Variants in ALDH1L2 observed in about 807,000 individuals in gnomAD.
ALDH1L2 encodes mitochondrial 10-formyltetrahydrofolate dehydrogenase.
In ALDH1L2, 91 loss-of-function variants were observed where a neutral mutation model predicts 111.0. The observed-to-expected ratio is 0.82, with a 90% CI of 0.69 to 0.98. ALDH1L2 has a LOEUF of 0.98. Among genes scored for constraint, ALDH1L2 ranks in the 50% least tolerant of loss-of-function variants. The pLI is 0.00. For missense variants in ALDH1L2, 995 were observed against 1,126.8 expected, an observed-to-expected ratio of 0.88 and a Z score of 1.67; for synonymous variants, 374 against 392.6, an observed-to-expected ratio of 0.95 and a Z score of 0.56.
At chr12:105,050,302 A>T in intron 12 of ALDH1L2, 1 of 283,452 alleles carries the variant, frequency 3.5e-6, no homozygotes, top group Non-Finnish European at 6.5e-6. Context: ...TGCCTCATCT[A>T]TGTGTAAGAA....
At chr12:105,030,549 G>A (rs1874644031) in intron 20 of ALDH1L2, 120 bp from the exon 21 acceptor site, 4 of 695,726 alleles carry the variant, frequency 5.7e-6, no homozygotes, top group Non-Finnish European at 6.5e-6. Context: ...AAACCAAGAA[G>A]AGTTGCATTT....
chr12:105,052,325 A>T, intron 11 of ALDH1L2, 108 bp from the exon 12 acceptor site: 9 of 1,171,772 alleles, frequency 7.7e-6, no homozygotes, highest in Non-Finnish European at 1.0e-5. Context: ...TTTTAAAAAA[A>T]GTTATGATAA....
intron 1 of ALDH1L2, among the ~76,000 whole-genome samples, chr12:105,077,909 A>C (rs1371593185): frequency 1.3e-5 from 2 of 152,184 alleles, no homozygotes; most frequent in Non-Finnish European, 2.9e-5. Flanking sequence ...AGTTTCACAC[A>C]GAGGACCTTC....
Position 105,061,050 on chromosome 12 carries a change from C to T in ALDH1L2, c.1070G>A (p.Ser357Asn), listed in dbSNP as rs759523910. The T allele has an allele frequency of 1.2e-6, 2 of 1,613,688 alleles. No homozygotes were observed. Among genetic ancestry groups the T allele is most frequent in the African/African-American group, 2.7e-5 (2 of 74,856 alleles). ...TIKVIWAGIL[S>N]NVPIIEDSTD... ...TGAGTCTTCAATAATGGGGACATTGCTTAAAATTCCAGCCCAGATGACCTA... is the reference window on the plus strand; with the variant it reads ...TGAGTCTTCAATAATGGGGACATTGTTTAAAATTCCAGCCCAGATGACCTA... Residue 357 changes from serine to asparagine, a missense_variant, in exon 9 of 23, where the codon AGC becomes AAC. Physicochemically the swap from Ser to Asn is conservative, Grantham distance 46 (BLOSUM62 1). Transcript: ENST00000258494.
In ALDH1L2 at chr12:105,066,677, C is replaced by G. The variant is rs754243707; in HGVS notation, c.595-8G>C. 1 of 1,611,024 alleles carries G rather than the reference C, an allele frequency of 6.2e-7. No individual in the cohort carries two copies. The highest frequency in any genetic ancestry group is 8.5e-7 in the Non-Finnish European group (1 of 1,177,318). ...GAGTTGGACAGCTTCTACCTAAGGC[C>G]AAAGACATCACCTGTGTTACAGCCC... On this transcript the variant is annotated splice_polypyrimidine_tract_variant and splice_region_variant and intron_variant, in intron 4 of 22. Transcript: ENST00000258494.
At chr12:105,083,232 G>T (rs1878410156) in intron 1 of ALDH1L2, among the ~76,000 whole-genome samples, 2 of 152,176 alleles carry the variant, frequency 1.3e-5, no homozygotes, top group Admixed American at 6.5e-5. Flanking sequence ...TGCTTTCTGT[G>T]CTATCCATCT....
chr12:105,046,712 G>A lies in ALDH1L2; in HGVS notation c.1861C>T (p.Gln621Ter). The A allele has an allele frequency of 2.5e-6, 4 of 1,613,964 alleles. No homozygotes were observed. Among genetic ancestry groups the A allele is most frequent in the Non-Finnish European group, 3.4e-6 (4 of 1,179,886 alleles). The change falls in exon 15 of 23, where the codon CAG becomes TAG. Residue 621 changes from glutamine (Q) to a stop codon, truncating the protein, a stop_gained and splice_region_variant. Coordinates refer to ENST00000258494, the MANE Select transcript of ALDH1L2 (RefSeq NM_001034173.4). LOFTEE classifies it high-confidence loss of function. ...CACCTGGCCCTTTGTGGCCTTACCT[G>A]TGCTGGCTTGAGCACTAAGGTATTG... ...AGNTLVLKPA[Q>*]VTPLTALKFA...
Position 105,046,886 on chromosome 12 carries a change from C to A in ALDH1L2, c.1757+13G>T. On this transcript the variant is annotated intron_variant, in intron 14 of 22. Transcript: ENST00000258494. ...AACTCATGATTCACTCAGAGGCACTCTCCTTATCTTACCCGAGTGGCTCTT... is the reference window on the plus strand; with the variant it reads ...AACTCATGATTCACTCAGAGGCACTATCCTTATCTTACCCGAGTGGCTCTT... The A allele has an allele frequency of 6.2e-7, 1 of 1,613,956 alleles. No homozygotes were observed.
intron 22 of ALDH1L2, 106 bp from the exon 23 acceptor site, chr12:105,024,585 T>C (rs1250923797): frequency 8.9e-6 from 10 of 1,123,414 alleles, no homozygotes; most frequent in Non-Finnish European, 1.3e-5. Context: ...ACTAAGTAAA[T>C]AGAATGTGGC....
intron 4 of ALDH1L2, among the ~76,000 whole-genome samples, chr12:105,068,372 C>T (rs2136101905): frequency 6.6e-6 from 1 of 151,908 alleles, no homozygotes; most frequent in Non-Finnish European, 1.5e-5. Context: ...ATTTCCATAA[C>T]AAATTACGTA....
chr12:105,047,970 T>C (rs1421574417), intron 13 of ALDH1L2: 2 of 152,218 alleles, frequency 1.3e-5, no homozygotes, highest in East Asian at 3.8e-4. Flanking sequence ...ATTATGTTCA[T>C]TTAGGTCAGG....
chr12:105,026,454 C>T, intron 22 of ALDH1L2, 91 bp downstream of exon 22: 1 of 1,483,170 alleles, frequency 6.7e-7, no homozygotes, highest in Non-Finnish European at 9.2e-7. Flanking sequence ...GGAAATGCCC[C>T]TCAAAGTCAC....
intron 10 of ALDH1L2, 70 bp from the exon 11 acceptor site, chr12:105,053,001 G>A: frequency 6.4e-7 from 1 of 1,553,040 alleles, no homozygotes; most frequent in Non-Finnish European, 8.8e-7. Context: ...CAGCAATAAA[G>A]AAGCATATTC....
At position 105,065,342 on chromosome 12, in the gene ALDH1L2, C is replaced by T. The variant is rs570455250; in HGVS notation, c.711G>A (p.Gln237=). ...TCCAGTTATGTAAAACTTCGGCAGA[C>T]TGGTCCCAAGAAATCTAGGAAGGCA... is the stretch of plus-strand genomic sequence containing the variant. ...KKENAEISWD[Q]SAEVLHNWIR... The change falls in exon 6 of 23, where the codon CAG becomes CAA. Residue 237 remains glutamine, a synonymous_variant. Coordinates refer to ENST00000258494, the MANE Select transcript of ALDH1L2 (RefSeq NM_001034173.4). 217 of 1,611,212 alleles carry T rather than the reference C, an allele frequency of 1.3e-4. 3 individuals are homozygous for T. In the South Asian group the frequency reaches 2.3e-3, roughly 17 times the overall value.
intron 19 of ALDH1L2, among the ~76,000 whole-genome samples, chr12:105,033,486 GT>G (rs1310695511): frequency 6.6e-6 from 1 of 152,112 alleles, no homozygotes; most frequent in African/African-American, 2.4e-5. Flanking sequence ...TGACTTCCTT[GT>G]TACTCATTCT....
At position 105,050,000 on chromosome 12, in the gene ALDH1L2, A is replaced by T; in HGVS notation, c.1594T>A (p.Ser532Thr). The change falls in exon 13 of 23, where the codon TCA becomes ACA. Residue 532 changes from serine (S) to threonine (T), a missense_variant. By Grantham distance (58) the Ser-to-Thr change is moderately conservative (BLOSUM62 1). Coordinates refer to ENST00000258494, the MANE Select transcript of ALDH1L2 (RefSeq NM_001034173.4). The stretch of plus-strand genomic sequence containing the variant: ...AGGGCCAAGGTATAGACAGCCCCTG[A>T]ATCAAGGGCTTCAATAGTTGCCAGC... ...EELATIEALD[S>T]GAVYTLALKT... The T allele has an allele frequency of 6.2e-7, 1 of 1,611,494 alleles. No homozygotes were observed. The highest frequency in any genetic ancestry group is 8.5e-7 in the Non-Finnish European group (1 of 1,178,488).
At chr12:105,043,495 T>G (rs1397222126) in intron 15 of ALDH1L2, among the ~76,000 whole-genome samples, 1 of 152,192 alleles carries the variant, frequency 6.6e-6, no homozygotes, top group African/African-American at 2.4e-5. Context: ...TATTTGAAGT[T>G]ATCAACACTG....
chr12:105,033,230 A>G (rs1874804808), intron 19 of ALDH1L2, among the ~76,000 whole-genome samples: 1 of 150,038 alleles, frequency 6.7e-6, no homozygotes, highest in Admixed American at 6.6e-5. Flanking sequence ...GGTGCTTGAG[A>G]AATGCTGCTG....
intron 17 of ALDH1L2, 58 bp from the exon 18 acceptor site, chr12:105,038,260 T>TCACA (rs1239712006): frequency 2.9e-5 from 17 of 584,068 alleles, no homozygotes; most frequent in Non-Finnish European, 4.0e-5. Flanking sequence ...TCTCTCTCTC[T>TCACA]CACACACACA....
Sources: gnomAD v4.1 joint callset for allele counts (sites outside exome capture counted in the v4.1 genomes callset) on GRCh38, gnomAD v4.1.1 for gene constraint, MANE v1.5 for transcripts, NCBI Gene and HGNC (gene_info 2026-07-23, HGNC 2026-07-21) for gene names.